NEDD9: variants seen among roughly 807,000 people sequenced by gnomAD.
NEDD9 encodes neural precursor cell expressed, developmentally down-regulated 9.
In NEDD9, 26 loss-of-function variants were observed where a neutral mutation model predicts 76.6. The ratio of observed to expected loss-of-function variants is 0.34; its 90% CI spans 0.25 to 0.47. NEDD9 has a LOEUF of 0.47. NEDD9 is among the 20% of genes least tolerant of loss of function. The pLI, the probability that NEDD9 is intolerant of heterozygous loss-of-function variation, is 1.00. For missense variants in NEDD9, 937 were observed against 1,058.5 expected, an observed-to-expected ratio of 0.89 and a Z score of 1.59; for synonymous variants, 392 against 414.2, an observed-to-expected ratio of 0.95 and a Z score of 0.65.
At chr6:11,297,577 T>A (rs553058992) in intron 3 of NEDD9, among the ~76,000 whole-genome samples, 1 of 152,316 alleles carries the variant, frequency 6.6e-6, no homozygotes, top group East Asian at 1.9e-4. Context: ...CCAAGGCTCA[T>A]TCTCCCACCA....
At chr6:11,269,897 C>T (rs905917767) in intron 3 of NEDD9, among the ~76,000 whole-genome samples, 4 of 152,178 alleles carry the variant, frequency 2.6e-5, no homozygotes, top group Admixed American at 6.5e-5. Context: ...AAGGCCAAGG[C>T]GGGTGGATCA....
chr6:11,358,656 G>A (rs536327947), intron 1 of NEDD9, among the ~76,000 whole-genome samples: 21 of 152,288 alleles, frequency 1.4e-4, no homozygotes, highest in Non-Finnish European at 7.4e-5. Context: ...GGTGGTTGGA[G>A]GAAGGAAGAA....
At position 11,185,375 on chromosome 6, in the gene NEDD9, T is replaced by A. The variant is rs1460608072; in HGVS notation, c.2292A>T (p.Thr764=). Residue 764 remains threonine, a synonymous_variant, in exon 7 of 7, where the codon ACA becomes ACT. Coordinates refer to ENST00000379446, the MANE Select transcript of NEDD9 (RefSeq NM_006403.4). ...GAATGTCCTGGGCAGTCACCTGCCG[T>A]GTCAGCGTGTCTCCAATGAACACCA... is the stretch of plus-strand genomic sequence containing the variant. ...HKLVFIGDTL[T]RQVTAQDIRN... is the part of the protein sequence containing the mutation. The A allele has an allele frequency of 6.2e-7, 1 of 1,614,206 alleles. No homozygotes were observed. Among genetic ancestry groups the A allele is most frequent in the South Asian group, 1.1e-5 (1 of 91,086 alleles).
chr6:11,186,232 A>G (rs190776940), intron 6 of NEDD9, among the ~76,000 whole-genome samples: 4 of 152,316 alleles, frequency 2.6e-5, no homozygotes, highest in African/African-American at 9.6e-5. Context: ...CCAGCACTAC[A>G]GGAAGATTAA....
In NEDD9 at chr6:11,232,652, G is replaced by A; in HGVS notation, c.-137C>T. The A allele has an allele frequency of 1.9e-6, 3 of 1,553,306 alleles. No individual in the cohort carries two copies. Among genetic ancestry groups the A allele is most frequent in the South Asian group, 1.2e-5 (1 of 84,824 alleles). ...GGCAGAGCCGCTTGTCAGTCGCAGCGCCTCCCTCAAGTCTCTGAGCTCACT... is the reference window on the plus strand; with the variant it reads ...GGCAGAGCCGCTTGTCAGTCGCAGCACCTCCCTCAAGTCTCTGAGCTCACT... On this transcript the variant is annotated 5_prime_UTR_variant, in exon 1 of 7. Transcript: ENST00000379446.
chr6:11,295,924 C>T (rs1373440963), intron 3 of NEDD9, among the ~76,000 whole-genome samples: 2 of 152,152 alleles, frequency 1.3e-5, no homozygotes, highest in Non-Finnish European at 2.9e-5. Context: ...TTGTGACCCC[C>T]ACCCCAAATT....
In NEDD9 at chr6:11,213,023, A is replaced by T. The variant is rs1199282017; in HGVS notation, c.459+258T>A. 6.6e-6 allele frequency among the ~76,000 whole-genome samples: 1 copy of T among 152,220 alleles called. No homozygotes were observed. The highest frequency in any genetic ancestry group is 6.5e-5 in the Admixed American group (1 of 15,290). ...AAAGATGGAGAGAAACAGTTTAATA[A>T]CCCATGTAACCCAGGATGACACAGG... is the stretch of plus-strand genomic sequence containing the variant. On this transcript the variant is annotated intron_variant, in intron 2 of 6. Coordinates refer to ENST00000379446, the MANE Select transcript of NEDD9 (RefSeq NM_006403.4). The surrounding 1 kb of genome is among the most constrained non-coding windows in gnomAD (Gnocchi z 5.4).
At chr6:11,275,131 G>A (rs1338606171) in intron 3 of NEDD9, among the ~76,000 whole-genome samples, 1 of 152,198 alleles carries the variant, frequency 6.6e-6, no homozygotes, top group Non-Finnish European at 1.5e-5. Flanking sequence ...TTGCTCAGGG[G>A]AATAAACCAG....
In NEDD9 at chr6:11,345,205, A is replaced by T. The variant is rs145859330; in HGVS notation, c.-213-10644T>A. On this transcript the variant is annotated intron_variant, in intron 1 of 3. Transcript: ENST00000397378. ...AGGGAGAAGAAATCCACCCAAGGGA[A>T]TATCAAAGATAACTCAGCAGGGAAG... is the stretch of plus-strand genomic sequence containing the variant. 1.4e-3 allele frequency among the ~76,000 whole-genome samples: 219 copies of T among 152,348 alleles called. 3 individuals carry two copies. Among genetic ancestry groups the T allele is most frequent in the Non-Finnish European group, 9.6e-4 (65 of 68,032 alleles).
At chr6:11,320,967 G>A (rs1761783696) in intron 2 of NEDD9, among the ~76,000 whole-genome samples, 1 of 151,618 alleles carries the variant, frequency 6.6e-6, no homozygotes, top group Non-Finnish European at 1.5e-5. Context: ...TACAAGACAG[G>A]AATAGCAAAG....
At position 11,183,642 on chromosome 6, in the gene NEDD9, CACTG is replaced by C. The variant is rs1242264270; in HGVS notation, c.*1516_*1519del. ...AGCACCTTCTATGATCATTTATTTC[CACTG>C]ATTTTTTTTTAATCACTCTGAGATC... On this transcript the variant is annotated 3_prime_UTR_variant, in exon 7 of 7. Transcript: ENST00000379446. 1 of 147,846 alleles carries C rather than the reference CACTG, an allele frequency of 6.8e-6. No homozygotes were observed. Among genetic ancestry groups the C allele is most frequent in the African/African-American group, 2.5e-5 (1 of 39,860 alleles). The allele number at this position is 147,846 out of a possible 1,614,324, so 9.2% of individuals were successfully genotyped here.
intron 3 of NEDD9, among the ~76,000 whole-genome samples, chr6:11,255,149 T>G (rs78780526): frequency 6.6e-6 from 1 of 151,882 alleles, no homozygotes; most frequent in Non-Finnish European, 1.5e-5. Flanking sequence ...GAGAAATGAG[T>G]GGATGAATGG....
chr6:11,374,066 C>CTCTATA (rs1554136634), intron 1 of NEDD9, among the ~76,000 whole-genome samples: 48 of 149,672 alleles, frequency 3.2e-4, no homozygotes, highest in African/African-American at 1.2e-3. Flanking sequence ...CTCTCTCTCT[C>CTCTATA]TATATATATA....
chr6:11,288,679 T>G (rs1760700064), intron 3 of NEDD9, among the ~76,000 whole-genome samples: 1 of 152,252 alleles, frequency 6.6e-6, no homozygotes, highest in Admixed American at 6.5e-5. Flanking sequence ...TCTTGCTTCT[T>G]TGGCTGACCA....
At chr6:11,270,418 G>A (rs1760279860) in intron 3 of NEDD9, among the ~76,000 whole-genome samples, 1 of 146,318 alleles carries the variant, frequency 6.8e-6, no homozygotes, top group Non-Finnish European at 1.5e-5. Context: ...TATCTTCACA[G>A]AGTGATTTCT....
At chr6:11,281,690 G>A (rs1760540783) in intron 3 of NEDD9, among the ~76,000 whole-genome samples, 1 of 152,006 alleles carries the variant, frequency 6.6e-6, no homozygotes, top group African/African-American at 2.4e-5. Flanking sequence ...AGAAATCTTG[G>A]TCCTTGATAT....
intron 1 of NEDD9, among the ~76,000 whole-genome samples, chr6:11,376,340 C>A (rs2113577283): frequency 1.3e-5 from 2 of 152,292 alleles, no homozygotes; most frequent in East Asian, 3.9e-4. Context: ...AAGTTTGGAA[C>A]TTCTTAGAGA....
At chr6:11,376,749 C>G (rs183466881) in intron 1 of NEDD9, among the ~76,000 whole-genome samples, 9 of 152,344 alleles carry the variant, frequency 5.9e-5, no homozygotes, top group Admixed American at 2.0e-4. Context: ...GTGAAACATT[C>G]ACTTGCTAGA....
At chr6:11,355,529 T>G (rs748479658) in intron 1 of NEDD9, among the ~76,000 whole-genome samples, 1 of 152,142 alleles carries the variant, frequency 6.6e-6, no homozygotes, top group Non-Finnish European at 1.5e-5. Flanking sequence ...GTTTTAAAAC[T>G]GAACGCTCTA....
Sources: allele counts gnomAD v4.1 joint callset (sites outside exome capture counted in the v4.1 genomes callset), GRCh38; gene constraint gnomAD v4.1.1; non-coding constraint Gnocchi (gnomAD v3.1); transcripts MANE v1.5; gene names NCBI Gene and HGNC (gene_info 2026-07-23, HGNC 2026-07-21).